The following NCAPH variants were observed in gnomAD, a reference collection of about 807,000 sequenced individuals.
The protein encoded by NCAPH is non-SMC condensin I complex subunit H.
NCAPH carries 38 observed loss-of-function variants against 85.5 expected under a neutral mutation model. That is an observed-to-expected ratio of 0.44 (90% confidence interval 0.34 to 0.58). The LOEUF (loss-of-function observed/expected upper bound fraction) is 0.58. NCAPH is among the 20% of genes least tolerant of loss of function. NCAPH has a pLI of 0.01. For synonymous variants in NCAPH, 301 were observed against 335.1 expected, an observed-to-expected ratio of 0.90 and a Z score of 1.11; for missense variants, 789 against 916.6, an observed-to-expected ratio of 0.86 and a Z score of 1.80.
At chr2:96,335,959 C>T (rs895257800) in intron 1 of NCAPH, 111 bp downstream of exon 1, 72 of 932,746 alleles carry the variant, frequency 7.7e-5, no homozygotes, top group Non-Finnish European at 9.0e-5. Context: ...ATGCTCAGCT[C>T]GGGTCTTGGC....
chr2:96,343,810 C>T (rs1243616059), intron 5 of NCAPH, among the ~76,000 whole-genome samples: 1 of 151,694 alleles, frequency 6.6e-6, no homozygotes, highest in Non-Finnish European at 1.5e-5. Context: ...AAGTGATCCT[C>T]CTGCCTCACC....
intron 5 of NCAPH, 85 bp downstream of exon 5, chr2:96,343,389 C>T (rs751226905): frequency 2.6e-4 from 382 of 1,444,594 alleles, no homozygotes; most frequent in Non-Finnish European, 3.3e-4. Flanking sequence ...AAGAAGGTCA[C>T]AAGAAATAAG....
chr2:96,373,220 A>T, intron 17 of NCAPH, 72 bp from the exon 18 acceptor site: 2 of 1,309,748 alleles, frequency 1.5e-6, no homozygotes, highest in Non-Finnish European at 2.2e-6. Flanking sequence ...CTACCTTGTG[A>T]CTGTGATTGG....
rs755280525 is a variant in NCAPH, at chr2:96,374,076, C to G, written c.*725C>G. The stretch of plus-strand genomic sequence containing the variant: ...CTGCTGGAGGGAGCTGATAGTGATA[C>G]TTGTCCCTTCTGTACATTGCTTCAT... On this transcript the variant is annotated 3_prime_UTR_variant, in exon 18 of 18. Transcript: ENST00000240423. Among the ~76,000 whole-genome samples the G allele has an allele frequency of 2.6e-5, 4 of 152,256 alleles. No homozygotes were observed. Among genetic ancestry groups the G allele is most frequent in the Non-Finnish European group, 4.4e-5 (3 of 68,052 alleles).
Position 96,342,849 on chromosome 2 carries a change from G to C in NCAPH, c.456+1G>C. 1 of 1,605,668 alleles carries C rather than the reference G, an allele frequency of 6.2e-7. No homozygotes were observed. Among genetic ancestry groups the C allele is most frequent in the Non-Finnish European group, 8.5e-7 (1 of 1,173,244 alleles). ...AGACACCGAACCAACCAACTTTAAAGTAAGAAGGATGTCCACTTTCTCTTG... is the reference window on the plus strand; with the variant it reads ...AGACACCGAACCAACCAACTTTAAACTAAGAAGGATGTCCACTTTCTCTTG... On this transcript the variant is annotated splice_donor_variant, in intron 4 of 17. Coordinates refer to ENST00000240423, the MANE Select transcript of NCAPH (RefSeq NM_015341.5). LOFTEE classifies it high-confidence loss of function.
chr2:96,349,939 G>T (rs2064415237), intron 6 of NCAPH, among the ~76,000 whole-genome samples: 1 of 152,226 alleles, frequency 6.6e-6, no homozygotes, highest in Non-Finnish European at 1.5e-5. Context: ...ACTTGAACTG[G>T]GCCATGAAGG....
At chr2:96,366,359 A>G (rs74495263) in intron 14 of NCAPH, among the ~76,000 whole-genome samples, 3,545 of 152,354 alleles carry the variant, frequency 0.023, 68 homozygotes, top group Admixed American at 0.064. Context: ...CAGCAAGGCT[A>G]GCTAGCTAGC....
chr2:96,341,476 C>T, intron 1 of NCAPH, 166 bp from the exon 2 acceptor site: 2 of 893,912 alleles, frequency 2.2e-6, no homozygotes, highest in South Asian at 1.8e-5. Flanking sequence ...CCCCCTGCAC[C>T]TCCAAGAAAC....
At chr2:96,347,958 G>C (rs141767796) in intron 6 of NCAPH, among the ~76,000 whole-genome samples, 1 of 152,112 alleles carries the variant, frequency 6.6e-6, no homozygotes, top group East Asian at 1.9e-4. Flanking sequence ...TGGCTCTTGT[G>C]GGGAGAGGGA....
chr2:96,344,300 A>T (rs1007503409), intron 6 of NCAPH, 71 bp downstream of exon 6: 3 of 1,510,296 alleles, frequency 2.0e-6, no homozygotes, highest in Non-Finnish European at 2.6e-6. Flanking sequence ...TGGCAGGGCT[A>T]AGGCTGCCTT....
Position 96,376,671 on chromosome 2 carries a change from G to A in NCAPH, c.*3320G>A, listed in dbSNP as rs766091636. Among the ~76,000 whole-genome samples, 1 of 152,222 alleles carries A rather than the reference G, an allele frequency of 6.6e-6. No individual in the cohort carries two copies. Among genetic ancestry groups the A allele is most frequent in the Non-Finnish European group, 1.5e-5 (1 of 68,042 alleles). ...GGATTTGCAGCATCTGCGGCAACGA[G>A]TTTGGTGTCCTGGAGCAAGGAAAGG... On this transcript the variant is annotated 3_prime_UTR_variant, in exon 18 of 18. Coordinates refer to ENST00000240423, the MANE Select transcript of NCAPH (RefSeq NM_015341.5).
chr2:96,366,136 C>T (rs1315297230), intron 14 of NCAPH, 78 bp downstream of exon 14: 6 of 1,464,622 alleles, frequency 4.1e-6, no homozygotes, highest in African/African-American at 1.4e-5. Flanking sequence ...GTCACGCAAT[C>T]TGAGCTTGAT....
chr2:96,373,273 T>C lies in NCAPH; in HGVS notation c.2167-19T>C. The C allele has an allele frequency of 6.2e-7, 1 of 1,605,724 alleles. No homozygotes were observed. The highest frequency in any genetic ancestry group is 8.5e-7 in the Non-Finnish European group (1 of 1,172,418). On this transcript the variant is annotated intron_variant, in intron 17 of 17. Transcript: ENST00000240423. ...TTCTCCGTATACCAAAGTCCATGCA[T>C]GTTTTGGTCTTCCCTCAGAATCTAA...
intron 17 of NCAPH, among the ~76,000 whole-genome samples, chr2:96,370,547 G>A (rs769617606): frequency 2.0e-5 from 3 of 152,194 alleles, no homozygotes; most frequent in African/African-American, 4.8e-5. Context: ...AGTTGCCCTG[G>A]CCTGTGTGGC....
chr2:96,341,386 A>T (rs1196462383), intron 1 of NCAPH: 5 of 480,148 alleles, frequency 1.0e-5, no homozygotes, highest in Non-Finnish European at 1.8e-5. Flanking sequence ...TTTTATATCC[A>T]TGCAGTACTT....
At chr2:96,342,426 C>T (rs2064308675) in intron 3 of NCAPH, among the ~76,000 whole-genome samples, 1 of 152,196 alleles carries the variant, frequency 6.6e-6, no homozygotes, top group Non-Finnish European at 1.5e-5. Flanking sequence ...GTGTGAGCCA[C>T]CCAACCATTT....
intron 3 of NCAPH, 62 bp downstream of exon 3, chr2:96,342,202 A>G: frequency 7.3e-7 from 1 of 1,374,296 alleles, no homozygotes; most frequent in Non-Finnish European, 1.0e-6. Flanking sequence ...AAATCCAGCT[A>G]TCTTGTTTCT....
At position 96,343,994 on chromosome 2, in the gene NCAPH, A is replaced by G. The variant is rs2064330279; in HGVS notation, c.596-111A>G. On this transcript the variant is annotated intron_variant, in intron 5 of 17. Transcript: ENST00000240423. ...TAGGATTACAGGCATGAGCCACCAC[A>G]CCTGGCCTCACATGTTTAAATTACG... The G allele has an allele frequency of 2.2e-6, 3 of 1,384,586 alleles. No homozygotes were observed. The African/African-American group carries it at 4.3e-5, about 20-fold the overall frequency. The allele number at this position is 1,384,586 out of a possible 1,614,324, so 85.8% of individuals were successfully genotyped here.
rs1322856465 is a variant in NCAPH, at chr2:96,369,108, T to C, written c.2090+45T>C. 3 of 1,534,250 alleles carry C rather than the reference T, an allele frequency of 2.0e-6. No individual in the cohort carries two copies. In the Admixed American group the frequency reaches 6.0e-5, roughly 31 times the overall value. On this transcript the variant is annotated intron_variant, in intron 16 of 17. Coordinates refer to ENST00000240423, the MANE Select transcript of NCAPH (RefSeq NM_015341.5). ...GGGGCTTTGTTGGGGCTCACCTCTC[T>C]GAGCTGTCCGCGTGGCAGGCCTTCC... is the stretch of plus-strand genomic sequence containing the variant.
Sources: gnomAD v4.1 joint callset for allele counts (sites outside exome capture counted in the v4.1 genomes callset) on GRCh38, gnomAD v4.1.1 for gene constraint, MANE v1.5 for transcripts, NCBI Gene and HGNC (gene_info 2026-07-23, HGNC 2026-07-21) for gene names.